The following MAGI2 variants were observed in gnomAD, a reference collection of about 807,000 sequenced individuals.
MAGI2 encodes the protein membrane associated guanylate kinase, WW and PDZ domain containing 2, also known as membrane-associated guanylate kinase, WW and PDZ domain-containing protein 2.
In MAGI2, 35 loss-of-function variants were observed where a neutral mutation model predicts 133.3. That is an observed-to-expected ratio of 0.26 (90% CI 0.20 to 0.35). The LOEUF is 0.35. MAGI2 is among the 10% of genes least tolerant of loss of function. MAGI2 has a pLI of 1.00. For missense variants in MAGI2, 1,636 were observed against 1,863.4 expected (o/e 0.88, Z 2.25); for synonymous variants, 729 against 710.6 (o/e 1.03, Z -0.41).
At chr7:79,095,258 A>C (rs979226032) in intron 1 of MAGI2, among the ~76,000 whole-genome samples, 1 of 152,194 alleles carries the variant, frequency 6.6e-6, no homozygotes, top group East Asian at 1.9e-4. Context: ...AACCTTTGAC[A>C]CAAGACAGTG....
intron 2 of MAGI2, among the ~76,000 whole-genome samples, chr7:78,651,294 G>A (rs1811533657): frequency 7.1e-6 from 1 of 141,198 alleles, no homozygotes; most frequent in South Asian, 2.4e-4. Context: ...ACACACACAT[G>A]CCCTATAAAC....
chr7:78,511,163 A>G (rs1283539517), intron 4 of MAGI2, among the ~76,000 whole-genome samples: 2 of 152,312 alleles, frequency 1.3e-5, no homozygotes, highest in East Asian at 3.9e-4. Flanking sequence ...AAATAAATCA[A>G]CACTTCAGGG....
At chr7:78,103,168 G>C (rs538980810) in intron 20 of MAGI2, among the ~76,000 whole-genome samples, 39 of 152,268 alleles carry the variant, frequency 2.6e-4, no homozygotes, top group African/African-American at 7.0e-4. Flanking sequence ...CAGTGCTTCT[G>C]TTACAGCTAT....
At chr7:78,055,464 T>C (rs1023797793) in intron 21 of MAGI2, among the ~76,000 whole-genome samples, 4 of 152,188 alleles carry the variant, frequency 2.6e-5, no homozygotes, top group Non-Finnish European at 5.9e-5. Context: ...TGCAAGCTCC[T>C]ACCTAGAGTG....
chr7:78,231,780 C>T (rs1789999137), intron 10 of MAGI2, among the ~76,000 whole-genome samples: 1 of 152,126 alleles, frequency 6.6e-6, no homozygotes, highest in Non-Finnish European at 1.5e-5. Context: ...GGACTTTAGG[C>T]TGAAGAAAGG....
intron 6 of MAGI2, among the ~76,000 whole-genome samples, chr7:78,410,251 G>A (rs1311845432): frequency 2.0e-5 from 3 of 151,926 alleles, no homozygotes; most frequent in Non-Finnish European, 2.9e-5. Context: ...CAGAATAAGC[G>A]GGATTAAAAC....
At chr7:78,924,513 A>G (rs966073421) in intron 2 of MAGI2, among the ~76,000 whole-genome samples, 34 of 152,028 alleles carry the variant, frequency 2.2e-4, no homozygotes, top group African/African-American at 6.5e-4. Flanking sequence ...ATTTGTGTAT[A>G]TTGAACCAGC....
Position 79,396,354 on chromosome 7 carries a change from G to C in MAGI2, c.301+56666C>G, listed in dbSNP as rs200589007. 1.2e-4 allele frequency among the ~76,000 whole-genome samples: 18 copies of C among 152,274 alleles called. No homozygotes were observed. The East Asian group carries it at 2.5e-3, about 21-fold the overall frequency. ...AGAGCCATAGAACAGAAGGGGATCA[G>C]TCCCAGAATCAGCTGGGAAGAACTG... On this transcript the variant is annotated intron_variant, in intron 1 of 21. Transcript: ENST00000354212.
chr7:78,643,112 A>G (rs556224759), intron 2 of MAGI2, among the ~76,000 whole-genome samples: 1 of 152,326 alleles, frequency 6.6e-6, no homozygotes, highest in Non-Finnish European at 1.5e-5. Context: ...CCAAAATAAC[A>G]CAAGTACCTC....
intron 10 of MAGI2, among the ~76,000 whole-genome samples, chr7:78,213,076 T>C (rs1787928911): frequency 6.6e-6 from 1 of 152,228 alleles, no homozygotes; most frequent in Admixed American, 6.5e-5. Context: ...CCCAGAAAAA[T>C]TGCACTTTAA....
At chr7:79,026,500 A>G (rs912779253) in intron 1 of MAGI2, among the ~76,000 whole-genome samples, 13 of 152,246 alleles carry the variant, frequency 8.5e-5, no homozygotes, top group African/African-American at 3.1e-4. Flanking sequence ...CAAGCCATAT[A>G]TCTGATAAGG....
At chr7:78,681,221 C>A (rs570434245) in intron 2 of MAGI2, among the ~76,000 whole-genome samples, 1 of 149,936 alleles carries the variant, frequency 6.7e-6, no homozygotes, top group Admixed American at 6.6e-5. Context: ...TTGAGACCCA[C>A]GGGTCAATAA....
chr7:78,303,736 G>A (rs755065013), intron 9 of MAGI2, among the ~76,000 whole-genome samples: 3 of 152,012 alleles, frequency 2.0e-5, no homozygotes, highest in Non-Finnish European at 4.4e-5. Flanking sequence ...CAAATGTTAG[G>A]GGTTTATTCT....
chr7:79,056,367 A>T (rs905053639), intron 1 of MAGI2, among the ~76,000 whole-genome samples: 7 of 152,348 alleles, frequency 4.6e-5, no homozygotes, highest in African/African-American at 1.4e-4. Flanking sequence ...AAGAAAAAAA[A>T]TCACGTATAG....
intron 9 of MAGI2, among the ~76,000 whole-genome samples, chr7:78,325,302 A>G (rs960918798): frequency 6.6e-6 from 1 of 152,192 alleles, no homozygotes; most frequent in African/African-American, 2.4e-5. Flanking sequence ...CTGAGAACCA[A>G]TTTGTCTTTG....
chr7:79,211,119 T>G (rs1829458678), intron 1 of MAGI2, among the ~76,000 whole-genome samples: 1 of 152,044 alleles, frequency 6.6e-6, no homozygotes, highest in Non-Finnish European at 1.5e-5. Flanking sequence ...TGGGAGAAAG[T>G]AAGTAGGTTA....
chr7:79,272,392 GT>G (rs1834941730), intron 1 of MAGI2, among the ~76,000 whole-genome samples: 1 of 152,024 alleles, frequency 6.6e-6, no homozygotes, highest in South Asian at 2.1e-4. Context: ...GCGAAATTCA[GT>G]TTTAATTTAT....
At chr7:78,838,524 G>GTT (rs1232286515) in intron 2 of MAGI2, among the ~76,000 whole-genome samples, 1 of 151,628 alleles carries the variant, frequency 6.6e-6, no homozygotes. Flanking sequence ...GTGTGTGTGT[G>GTT]TGTGTGTGTG....
chr7:78,410,375 G>A (rs186408063), intron 6 of MAGI2, among the ~76,000 whole-genome samples: 6 of 152,038 alleles, frequency 3.9e-5, no homozygotes, highest in East Asian at 1.9e-4. Context: ...GATTCTCTAC[G>A]ACACAGCTTA....
Sources: gnomAD v4.1 joint callset for allele counts (sites outside exome capture counted in the v4.1 genomes callset) on GRCh38, gnomAD v4.1.1 for gene constraint, MANE v1.5 for transcripts, NCBI Gene and HGNC (gene_info 2026-07-23, HGNC 2026-07-21) for gene names.